The following SELENOT variants were observed in gnomAD, a reference collection of about 807,000 sequenced individuals.
SELENOT encodes selenoprotein T, also known as thioredoxin reductase-like selenoprotein T.
Under a neutral mutation model 24.3 loss-of-function variants are expected in SELENOT, and 9 were observed. The ratio of observed to expected loss-of-function variants is 0.37; its 90% CI spans 0.22 to 0.65. The LOEUF is 0.65. Ranked by LOEUF, SELENOT falls within the 30% of genes least tolerant of loss-of-function variation. The probability of loss-of-function intolerance (pLI) is 0.60; values close to 1 mark genes in which losing one functional copy is unlikely to be tolerated. For missense variants in SELENOT, 166 were observed against 247.6 expected, an observed-to-expected ratio of 0.67 and a Z score of 2.21; for synonymous variants, 81 against 86.0, an observed-to-expected ratio of 0.94 and a Z score of 0.32.
rs11548666 is a variant in SELENOT, at chr3:150,627,877, A to G, written c.*248A>G. On this transcript the variant is annotated 3_prime_UTR_variant, in exon 6 of 6. Transcript: ENST00000471696. ...TATAGCTTTCCCCACCTCCCACAAAATCACCCAGTTAATGTGTGTGTGTGT... is the reference window on the plus strand; with the variant it reads ...TATAGCTTTCCCCACCTCCCACAAAGTCACCCAGTTAATGTGTGTGTGTGT... 0.13 allele frequency: 20,064 copies of G among 152,102 alleles called. 1,444 individuals are homozygous for G. Among genetic ancestry groups the G allele is most frequent in the Non-Finnish European group, 0.17 (11,227 of 67,960 alleles). The allele number at this position is 152,102 out of a possible 1,614,324, so 9.4% of individuals were successfully genotyped here. A position where few individuals can be genotyped will look rare whatever the true frequency, so the allele number is the denominator to read the frequency against.
chr3:150,624,986 C>T (rs1726411355), intron 4 of SELENOT, 87 bp downstream of exon 4: 3 of 598,672 alleles, frequency 5.0e-6, no homozygotes, highest in Non-Finnish European at 5.3e-6. Flanking sequence ...ATAAGATAAA[C>T]TTCTTTAGTG....
intron 4 of SELENOT, among the ~76,000 whole-genome samples, chr3:150,625,210 A>G (rs1726415305): frequency 6.6e-6 from 1 of 152,076 alleles, no homozygotes; most frequent in Non-Finnish European, 1.5e-5. Context: ...CTTTAAAATA[A>G]CATCTGTATG....
rs535000193 is a variant in SELENOT, at chr3:150,628,885, T to C, written c.*1256T>C. 7.9e-5 allele frequency: 12 copies of C among 152,272 alleles called. No individual in the cohort carries two copies. Among genetic ancestry groups the C allele is most frequent in the Non-Finnish European group, 1.5e-4 (10 of 68,004 alleles). The allele number at this position is 152,272 out of a possible 1,614,324, so 9.4% of individuals were successfully genotyped here. Reference sequence around the variant, plus strand: ...TTTAGGAAAAGTTATAAGGTACAGGTTGAGTATCCCTTTTCCAAAAATGCT... The same window carrying C: ...TTTAGGAAAAGTTATAAGGTACAGGCTGAGTATCCCTTTTCCAAAAATGCT... On this transcript the variant is annotated 3_prime_UTR_variant, in exon 6 of 6. Transcript: ENST00000471696.
At chr3:150,609,741 A>G (rs1291814485) in intron 1 of SELENOT, among the ~76,000 whole-genome samples, 1 of 152,196 alleles carries the variant, frequency 6.6e-6, no homozygotes, top group Non-Finnish European at 1.5e-5. Flanking sequence ...GAAGTTGACC[A>G]GCTATTTGGT....
At chr3:150,619,327 C>T (rs1726289424) in intron 1 of SELENOT, among the ~76,000 whole-genome samples, 1 of 150,942 alleles carries the variant, frequency 6.6e-6, no homozygotes, top group Non-Finnish European at 1.5e-5. Flanking sequence ...GTCAGGAATT[C>T]GAGACCAGCC....
chr3:150,624,313 A>G (rs534553807), intron 3 of SELENOT, among the ~76,000 whole-genome samples: 27 of 152,284 alleles, frequency 1.8e-4, no homozygotes, highest in African/African-American at 6.5e-4. Context: ...TGTTAAAGTA[A>G]AATTTTCTGT....
intron 1 of SELENOT, among the ~76,000 whole-genome samples, chr3:150,619,080 G>T (rs1195478171): frequency 6.6e-6 from 1 of 152,176 alleles, no homozygotes; most frequent in Non-Finnish European, 1.5e-5. Flanking sequence ...TCTTAGCCGG[G>T]TGTGGTGGTG....
chr3:150,604,294 C>T (rs1164190170), intron 1 of SELENOT, among the ~76,000 whole-genome samples: 1 of 152,014 alleles, frequency 6.6e-6, no homozygotes, highest in African/African-American at 2.4e-5. Context: ...TGTTTTTAAC[C>T]TAATCGTTAG....
chr3:150,622,145 G>A (rs377510353), intron 1 of SELENOT, among the ~76,000 whole-genome samples: 17 of 151,480 alleles, frequency 1.1e-4, no homozygotes, highest in African/African-American at 2.4e-4. Flanking sequence ...AAATCAGGCC[G>A]CATTACTGGC....
At chr3:150,617,407 C>G (rs1400568379) in intron 1 of SELENOT, among the ~76,000 whole-genome samples, 1 of 152,062 alleles carries the variant, frequency 6.6e-6, no homozygotes, top group African/African-American at 2.4e-5. Context: ...TTGAAACCAC[C>G]CTGGGCAACA....
rs766385170 is a variant in SELENOT at position 150,628,240 on chromosome 3, C to T, written c.*611C>T. 10 of 152,432 alleles carry T rather than the reference C, an allele frequency of 6.6e-5. No homozygotes were observed. Among genetic ancestry groups the T allele is most frequent in the Non-Finnish European group, 1.2e-4 (8 of 67,994 alleles). 9.4% of individuals were successfully genotyped at this position (152,432 alleles called of 1,614,324 possible). A position where few individuals can be genotyped will look rare whatever the true frequency, so the allele number is the denominator to read the frequency against. On this transcript the variant is annotated 3_prime_UTR_variant, in exon 6 of 6. Transcript: ENST00000471696. ...TATGTGTGTATGTGCGTGTGATTAC[C>T]AGAGAACTACTAAAAAAACCAACTG...
intron 1 of SELENOT, chr3:150,611,744 G>A (rs2108007188): frequency 1.6e-5 from 23 of 1,425,910 alleles, no homozygotes; most frequent in Non-Finnish European, 2.2e-5. Context: ...CGGCCTGGCC[G>A]CCCCCAGGGG....
At chr3:150,611,657 C>T in intron 1 of SELENOT, 2 of 1,599,034 alleles carry the variant, frequency 1.3e-6, no homozygotes, top group African/African-American at 1.3e-5. Context: ...TCTGGATCCT[C>T]TTGCTGAAGC....
intron 1 of SELENOT, chr3:150,611,678 T>G (rs1227622247): frequency 1.2e-5 from 20 of 1,602,374 alleles, no homozygotes; most frequent in Non-Finnish European, 1.6e-5. Flanking sequence ...TGGCGTTGCC[T>G]GCTGCCCGAC....
At chr3:150,605,083 G>A (rs1250373433) in intron 1 of SELENOT, among the ~76,000 whole-genome samples, 1 of 150,476 alleles carries the variant, frequency 6.6e-6, no homozygotes, top group South Asian at 2.1e-4. Flanking sequence ...TATGTTTCTG[G>A]AATATATCAT....
chr3:150,611,972 A>G (rs1726105627), intron 1 of SELENOT: 1 of 617,512 alleles, frequency 1.6e-6, no homozygotes, highest in Non-Finnish European at 2.7e-6. Context: ...AGTTAGCTGC[A>G]TGGCAGAACA....
rs1193959931 is a variant in SELENOT, at chr3:150,622,440, C to T, written c.193C>T (p.Arg65Trp). ...GGAGTACATGCGGGTTATTAGCCAG[C>T]GGTACCCAGACATCCGCATTGAAGG... ...FEEYMRVISQRYPDIRIEGEN... is the reference protein window; with the variant it reads ...FEEYMRVISQWYPDIRIEGEN... The change falls in exon 2 of 6, where the codon CGG becomes TGG. Residue 65 changes from arginine to tryptophan, a missense_variant. By Grantham distance (101) the Arg-to-Trp change is moderately radical. Around this residue, in one of 5 missense-constraint regions of SELENOT, gnomAD observed 71 missense variants for 89.2 expected, o/e 0.80. Coordinates refer to ENST00000471696, the MANE Select transcript of SELENOT (RefSeq NM_016275.5). 3.3e-6 allele frequency: 5 copies of T among 1,500,180 alleles called. No individual in the cohort carries two copies. The highest frequency in any genetic ancestry group is 1.3e-5 in the South Asian group (1 of 77,452). The allele number at this position is 1,500,180 out of a possible 1,614,324, so 92.9% of individuals were successfully genotyped here.
At chr3:150,620,381 C>CT (rs546240362) in intron 1 of SELENOT, among the ~76,000 whole-genome samples, 63 of 152,268 alleles carry the variant, frequency 4.1e-4, no homozygotes, top group Admixed American at 1.9e-3. Flanking sequence ...CTTGAATCAT[C>CT]TAATTGTTAA....
intron 1 of SELENOT, among the ~76,000 whole-genome samples, chr3:150,608,704 TTAG>T (rs771896121): frequency 6.7e-6 from 1 of 148,492 alleles, no homozygotes; most frequent in Non-Finnish European, 1.5e-5. Flanking sequence ...AGATAGCAGG[TTAG>T]TAGTAGTAGA....
Sources: allele counts gnomAD v4.1 joint callset (sites outside exome capture counted in the v4.1 genomes callset), GRCh38; gene constraint gnomAD v4.1.1; regional missense constraint gnomAD v4.1.1; transcripts MANE v1.5; gene names NCBI Gene and HGNC (gene_info 2026-07-23, HGNC 2026-07-21).